The following PTPRD variants were observed in gnomAD, a reference collection of about 807,000 sequenced individuals.
PTPRD encodes the protein protein tyrosine phosphatase receptor type D.
Under a neutral mutation model 214.5 loss-of-function variants are expected in PTPRD, and 34 were observed. The observed-to-expected ratio is 0.16, with a 90% CI of 0.12 to 0.21. PTPRD has a LOEUF of 0.21. PTPRD is among the 10% of genes least tolerant of loss of function. PTPRD has a pLI of 1.00. For synonymous variants in PTPRD, 1,128 were observed against 845.7 expected (o/e 1.33, Z -5.79); for missense variants, 2,545 against 2,398.7 (o/e 1.06, Z -1.27).
chr9:10,183,394 AG>A (rs1407974825), intron 3 of PTPRD, among the ~76,000 whole-genome samples: 2 of 152,170 alleles, frequency 1.3e-5, no homozygotes, highest in African/African-American at 2.4e-5. Context: ...CTTTGCGCAA[AG>A]GAAGTGCTTA....
At chr9:9,966,471 G>A (rs920746395) in intron 4 of PTPRD, among the ~76,000 whole-genome samples, 3 of 152,118 alleles carry the variant, frequency 2.0e-5, no homozygotes, top group African/African-American at 7.2e-5. Flanking sequence ...TTCCATTGTA[G>A]AGCTAAGGGG....
intron 8 of PTPRD, among the ~76,000 whole-genome samples, chr9:9,473,887 G>A (rs546489279): frequency 3.3e-5 from 5 of 151,192 alleles, no homozygotes; most frequent in South Asian, 2.1e-4. Flanking sequence ...TTGTCAGATG[G>A]GTAGTTTGCA....
At chr9:8,606,109 T>C (rs2095195302) in intron 14 of PTPRD, among the ~76,000 whole-genome samples, 1 of 151,882 alleles carries the variant, frequency 6.6e-6, no homozygotes, top group Non-Finnish European at 1.5e-5. Flanking sequence ...GTGGACAAAA[T>C]CTCTCTGAAG....
At chr9:10,019,569 C>T (rs924226466) in intron 4 of PTPRD, among the ~76,000 whole-genome samples, 1 of 152,138 alleles carries the variant, frequency 6.6e-6, no homozygotes, top group Non-Finnish European at 1.5e-5. Context: ...AAATGTGGCA[C>T]ATATACACCA....
At chr9:8,470,906 T>G (rs1359456386) in intron 31 of PTPRD, 89 bp downstream of exon 31, 1 of 1,150,508 alleles carries the variant, frequency 8.7e-7, no homozygotes. Flanking sequence ...GCACCCAGAT[T>G]AGATCCTGAA....
chr9:8,359,613 C>T (rs7035511), intron 39 of PTPRD, among the ~76,000 whole-genome samples: 9,710 of 152,156 alleles, frequency 0.064, 1,048 homozygotes, highest in African/African-American at 0.22. Context: ...GGATTATAGG[C>T]GTGAGCCACC....
intron 3 of PTPRD, among the ~76,000 whole-genome samples, chr9:10,101,083 A>C (rs2098547231): frequency 6.6e-6 from 1 of 151,668 alleles, no homozygotes. Flanking sequence ...ATTTCACTTA[A>C]TTGCAAGTTT....
chr9:8,329,244 CTGTT>C (rs754011397), intron 44 of PTPRD, among the ~76,000 whole-genome samples: 14 of 152,094 alleles, frequency 9.2e-5, no homozygotes, highest in African/African-American at 1.9e-4. Context: ...TTCTGTCTGT[CTGTT>C]TGTTATTTTC....
intron 2 of PTPRD, among the ~76,000 whole-genome samples, chr9:10,570,278 C>T (rs1419036588): frequency 4.6e-5 from 7 of 151,714 alleles, no homozygotes; most frequent in Non-Finnish European, 1.0e-4. Context: ...AATACATTAT[C>T]AGACTAAACT....
rs1468159441 is a variant in PTPRD at position 9,080,325 on chromosome 9, A to T, written c.-142-61590T>A. On this transcript the variant is annotated intron_variant, in intron 10 of 45. Transcript: ENST00000381196. ...AGAATGACATTTTTAAATCCTTCAA[A>T]ATACATGGAAAAGTAATTTAAAACG... Among the ~76,000 whole-genome samples the T allele has an allele frequency of 3.3e-5, 5 of 152,028 alleles. No homozygotes were observed. In the East Asian group the frequency reaches 9.7e-4, roughly 29 times the overall value.
intron 2 of PTPRD, among the ~76,000 whole-genome samples, chr9:10,440,321 G>A (rs928735383): frequency 4.0e-5 from 6 of 151,638 alleles, no homozygotes; most frequent in Non-Finnish European, 8.9e-5. Context: ...AGTTTTTTAA[G>A]TTAGTGCTAT....
chr9:10,292,892 C>T (rs959011539), intron 3 of PTPRD, among the ~76,000 whole-genome samples: 4 of 151,690 alleles, frequency 2.6e-5, no homozygotes, highest in Non-Finnish European at 5.9e-5. Context: ...ATTAATGTTA[C>T]ATTAGTTAGT....
chr9:8,443,294 T>C (rs1013624748), intron 34 of PTPRD, among the ~76,000 whole-genome samples: 1 of 152,218 alleles, frequency 6.6e-6, no homozygotes, highest in African/African-American at 2.4e-5. Context: ...GTCATATGCC[T>C]AAATTCCTTA....
Position 10,057,382 on chromosome 9 carries a change from G to T in PTPRD, c.-544-23592C>A, listed in dbSNP as rs537541916. 9.8e-4 allele frequency among the ~76,000 whole-genome samples: 149 copies of T among 152,264 alleles called. 2 individuals carry two copies. Among genetic ancestry groups the T allele is most frequent in the African/African-American group, 3.5e-3 (146 of 41,576 alleles). ...GTTGAGGAGGTGAAAAGCCACCAGG[G>T]TATGGAAAGAAGCCCAGAGTTTAAC... On this transcript the variant is annotated intron_variant, in intron 3 of 45. Coordinates refer to ENST00000381196, the MANE Select transcript of PTPRD (RefSeq NM_002839.4).
intron 3 of PTPRD, among the ~76,000 whole-genome samples, chr9:10,098,821 G>C (rs971962083): frequency 4.0e-5 from 6 of 151,674 alleles, no homozygotes; most frequent in Admixed American, 4.0e-4. Flanking sequence ...GGTTAACTGC[G>C]GTACTGGAAT....
At chr9:9,251,750 A>G (rs1013337853) in intron 9 of PTPRD, among the ~76,000 whole-genome samples, 1 of 152,106 alleles carries the variant, frequency 6.6e-6, no homozygotes, top group Non-Finnish European at 1.5e-5. Context: ...AAAGAAGCCA[A>G]AAGTAATTGT....
At chr9:9,166,139 AT>A (rs5896304) in intron 10 of PTPRD, among the ~76,000 whole-genome samples, 12,239 of 140,816 alleles carry the variant, frequency 0.087, 546 homozygotes, top group African/African-American at 0.14. Context: ...TCTGGGTTTG[AT>A]TTTTTTTTTT....
At chr9:10,488,360 C>T (rs1319427944) in intron 2 of PTPRD, among the ~76,000 whole-genome samples, 1 of 128,296 alleles carries the variant, frequency 7.8e-6, no homozygotes, top group Non-Finnish European at 1.6e-5. Flanking sequence ...GAGTGAGACT[C>T]TGTCTCAAAA....
chr9:8,427,951 G>A (rs1445983244), intron 35 of PTPRD, among the ~76,000 whole-genome samples: 1 of 152,094 alleles, frequency 6.6e-6, no homozygotes, highest in East Asian at 1.9e-4. Flanking sequence ...TAAGACTACT[G>A]AGTACTGGTG....
Sources: gnomAD v4.1 joint callset for allele counts (sites outside exome capture counted in the v4.1 genomes callset) on GRCh38, gnomAD v4.1.1 for gene constraint, MANE v1.5 for transcripts, NCBI Gene and HGNC (gene_info 2026-07-23, HGNC 2026-07-21) for gene names.